PRPF18: variants seen among roughly 807,000 people sequenced by gnomAD.
PRPF18 encodes the protein pre-mRNA-splicing factor 18.
A neutral mutation model predicts 46.5 loss-of-function variants in PRPF18; 38 were observed. The observed-to-expected ratio is 0.82, with a 90% confidence interval of 0.63 to 1.07. PRPF18 has a LOEUF of 1.07. Among genes scored for constraint, PRPF18 ranks in the 50% least tolerant of loss-of-function variants. The pLI, the probability that PRPF18 is intolerant of heterozygous loss-of-function variation, is 0.00. For missense variants in PRPF18, 263 were observed against 410.0 expected, an observed-to-expected ratio of 0.64 and a Z score of 3.10; for synonymous variants, 152 against 146.7, an observed-to-expected ratio of 1.04 and a Z score of -0.26.
chr10:13,587,760 C>G (rs1021103357), intron 1 of PRPF18, among the ~76,000 whole-genome samples: 19 of 152,258 alleles, frequency 1.2e-4, no homozygotes, highest in African/African-American at 4.3e-4. Context: ...CTCGGGCCCA[C>G]TCACACCCTG....
chr10:13,598,521 G>T (rs2080065154), intron 2 of PRPF18, among the ~76,000 whole-genome samples: 1 of 152,066 alleles, frequency 6.6e-6, no homozygotes, highest in Non-Finnish European at 1.5e-5. Flanking sequence ...GCTGGGAGAA[G>T]ACAAGTATTA....
At chr10:13,609,341 CAG>C (rs1473092808) in intron 4 of PRPF18, among the ~76,000 whole-genome samples, 3 of 152,168 alleles carry the variant, frequency 2.0e-5, no homozygotes, top group African/African-American at 4.8e-5. Context: ...CTGAGGCACA[CAG>C]GGGTTAAGCA....
chr10:13,636,645 T>C, the PRPF18 span, among the ~76,000 whole-genome samples: 4 of 152,092 alleles, frequency 2.6e-5, no homozygotes, highest in African/African-American at 9.7e-5. Flanking sequence ...TCATGATAGG[T>C]TTTTCACAAA....
At chr10:13,636,366 C>T in the PRPF18 span, among the ~76,000 whole-genome samples, 1 of 152,170 alleles carries the variant, frequency 6.6e-6, no homozygotes, top group African/African-American at 2.4e-5. Flanking sequence ...CTGTAGTGAG[C>T]AGTGATCACA....
intron 8 of PRPF18, among the ~76,000 whole-genome samples, chr10:13,615,610 A>T (rs2133800987): frequency 6.6e-6 from 1 of 152,254 alleles, no homozygotes; most frequent in South Asian, 2.1e-4. Flanking sequence ...TTTAAATTAA[A>T]ATCTCCTTGA....
the PRPF18 span, chr10:13,644,738 A>G: frequency 9.9e-5 from 15 of 152,156 alleles, no homozygotes; most frequent in African/African-American, 3.6e-4. Context: ...CTATCCATGA[A>G]TCTTCTTTGG....
chr10:13,603,670 T>C (rs1163513462), intron 3 of PRPF18, among the ~76,000 whole-genome samples: 2 of 152,224 alleles, frequency 1.3e-5, no homozygotes, highest in Non-Finnish European at 2.9e-5. Flanking sequence ...TCTGTAGTTG[T>C]GGATAGGACT....
At chr10:13,624,871 T>C (rs2080475824) in intron 9 of PRPF18, among the ~76,000 whole-genome samples, 2 of 152,260 alleles carry the variant, frequency 1.3e-5, no homozygotes, top group Non-Finnish European at 2.9e-5. Flanking sequence ...AGTTTTTCCA[T>C]TCAGCTCTAT....
At chr10:13,596,826 G>A (rs970398031) in intron 1 of PRPF18, among the ~76,000 whole-genome samples, 8 of 152,202 alleles carry the variant, frequency 5.3e-5, no homozygotes, top group Admixed American at 2.6e-4. Context: ...ACTCCAGCCC[G>A]CGTGACAGAG....
chr10:13,593,010 A>G (rs1391027171), intron 1 of PRPF18, among the ~76,000 whole-genome samples: 1 of 152,182 alleles, frequency 6.6e-6, no homozygotes, highest in African/African-American at 2.4e-5. Flanking sequence ...ACTAAAACCA[A>G]ATGGAAGGAA....
the PRPF18 span, chr10:13,649,133 C>G: frequency 6.6e-6 from 1 of 150,438 alleles, no homozygotes; most frequent in Non-Finnish European, 1.5e-5. Flanking sequence ...GTAGTTGACT[C>G]TCTTGTATGT....
In PRPF18 at chr10:13,602,485, C is replaced by T. The variant is rs956034883; in HGVS notation, c.249+2137C>T. 3.3e-5 allele frequency among the ~76,000 whole-genome samples: 5 copies of T among 150,264 alleles called. No homozygotes were observed. In the South Asian group the frequency reaches 6.3e-4, roughly 19 times the overall value. ...CATGCAGAAGTTTTACATTTTTATACGATGACATCAGTCTTTTTCATTATG... is the reference window on the plus strand; with the variant it reads ...CATGCAGAAGTTTTACATTTTTATATGATGACATCAGTCTTTTTCATTATG... On this transcript the variant is annotated intron_variant, in intron 3 of 9. Transcript: ENST00000378572.
chr10:13,648,364 G>GA, the PRPF18 span: 1 of 152,200 alleles, frequency 6.6e-6, no homozygotes, highest in Non-Finnish European at 1.5e-5. Flanking sequence ...GTGCCTGACT[G>GA]AAAAACTTCT....
the PRPF18 span, among the ~76,000 whole-genome samples, chr10:13,650,758 C>T: frequency 2.6e-5 from 4 of 152,180 alleles, no homozygotes; most frequent in African/African-American, 7.2e-5. Flanking sequence ...AAACAAGACT[C>T]TCTACTGTTA....
In PRPF18 at chr10:13,600,250, C is replaced by A; in HGVS notation, c.151C>A (p.Pro51Thr). Reference protein sequence around the residue: ...YFERCGYKIQPKEEDQKPLTS... With the variant: ...YFERCGYKIQTKEEDQKPLTS... ...CTTTTGGCTATTAATATAGATACAG[C>A]CAAAAGAGGAGGACCAGAAACCATT... Residue 51 changes from proline to threonine, a missense_variant, in exon 3 of 10, where the codon CCA becomes ACA. Coordinates refer to ENST00000378572, the MANE Select transcript of PRPF18 (RefSeq NM_003675.4). The A allele has an allele frequency of 1.2e-6, 2 of 1,604,906 alleles. No individual in the cohort carries two copies. Among genetic ancestry groups the A allele is most frequent in the Non-Finnish European group, 8.5e-7 (1 of 1,175,574 alleles).
chr10:13,631,386 C>T (rs1349570764), downstream of PRPF18: 1 of 152,246 alleles, frequency 6.6e-6, no homozygotes, highest in African/African-American at 2.4e-5. Context: ...GCTCCAAAGG[C>T]AGAACTTCCA....
intron 9 of PRPF18, among the ~76,000 whole-genome samples, chr10:13,626,142 A>G (rs1482167547): frequency 5.3e-5 from 8 of 152,228 alleles, no homozygotes; most frequent in African/African-American, 9.7e-5. Flanking sequence ...CCTCCATCCA[A>G]AGAAAAAGAT....
the PRPF18 span, chr10:13,638,958 A>T: frequency 2.6e-5 from 4 of 152,196 alleles, no homozygotes; most frequent in Non-Finnish European, 5.9e-5. Flanking sequence ...TGCTGAACTC[A>T]GTCCCCAAGC....
chr10:13,634,244 T>C (rs558895656), downstream of PRPF18, among the ~76,000 whole-genome samples: 4 of 152,366 alleles, frequency 2.6e-5, no homozygotes, highest in South Asian at 8.3e-4. Flanking sequence ...AATCCTTGTG[T>C]TGCCTCTGCT....
Sources: gnomAD v4.1 joint callset for allele counts (sites outside exome capture counted in the v4.1 genomes callset) on GRCh38, gnomAD v4.1.1 for gene constraint, MANE v1.5 for transcripts, NCBI Gene and HGNC (gene_info 2026-07-23, HGNC 2026-07-21) for gene names.